Variants in CNBD1 observed in about 807,000 individuals in gnomAD.
CNBD1 encodes cyclic nucleotide binding domain containing 1, also known as cyclic nucleotide-binding domain-containing protein 1.
In CNBD1, 71 loss-of-function variants were observed where a neutral mutation model predicts 54.4. That is an observed-to-expected ratio of 1.30 (90% CI 1.08 to 1.59). CNBD1 has a LOEUF of 1.59. Among genes scored for constraint, CNBD1 ranks in the 40% most tolerant of loss-of-function variants. The probability of loss-of-function intolerance (pLI) is 0.00; values close to 1 mark genes in which losing one functional copy is unlikely to be tolerated. For missense variants in CNBD1, 659 were observed against 518.0 expected (o/e 1.27, Z -2.64); for synonymous variants, 182 against 170.7 (o/e 1.07, Z -0.51).
At chr8:87,233,313 T>G (rs1807499614) in intron 5 of CNBD1, among the ~76,000 whole-genome samples, 1 of 152,088 alleles carries the variant, frequency 6.6e-6, no homozygotes, top group Non-Finnish European at 1.5e-5. Flanking sequence ...CAGGCACTCC[T>G]CAGAGAAATT....
At chr8:87,067,156 A>G (rs1179868340) in intron 4 of CNBD1, among the ~76,000 whole-genome samples, 2 of 151,966 alleles carry the variant, frequency 1.3e-5, no homozygotes, top group Non-Finnish European at 2.9e-5. Context: ...GCTGAGCTCA[A>G]TTGTTTAGAG....
intron 8 of CNBD1, among the ~76,000 whole-genome samples, chr8:87,315,748 T>C (rs1809372870): frequency 6.6e-6 from 1 of 152,048 alleles, no homozygotes; most frequent in Non-Finnish European, 1.5e-5. Flanking sequence ...GGTTAATGGT[T>C]TCAAAATATA....
intron 4 of CNBD1, among the ~76,000 whole-genome samples, chr8:87,118,173 G>C (rs1248966939): frequency 2.0e-5 from 3 of 151,880 alleles, no homozygotes; most frequent in African/African-American, 7.3e-5. Flanking sequence ...AAATTAGCCA[G>C]GCGTGGTGGC....
intron 4 of CNBD1, among the ~76,000 whole-genome samples, chr8:87,082,270 A>G (rs1007708132): frequency 6.6e-6 from 1 of 152,088 alleles, no homozygotes; most frequent in Non-Finnish European, 1.5e-5. Context: ...GCAAGAGATA[A>G]CCACCTTTAA....
intron 6 of CNBD1, among the ~76,000 whole-genome samples, chr8:87,255,977 A>ATATATG (rs1465958516): frequency 2.3e-4 from 2 of 8,568 alleles, no homozygotes; most frequent in African/African-American, 4.9e-4. Flanking sequence ...CTACAAATAT[A>ATATATG]TATATATATA....
chr8:87,325,877 T>C (rs1036401732), intron 8 of CNBD1, among the ~76,000 whole-genome samples: 1 of 142,592 alleles, frequency 7.0e-6, no homozygotes, highest in African/African-American at 2.6e-5. Flanking sequence ...GCTCGTTAGT[T>C]GATGCAGTTT....
At chr8:87,060,848 C>G (rs377313667) in intron 4 of CNBD1, among the ~76,000 whole-genome samples, 1 of 152,156 alleles carries the variant, frequency 6.6e-6, no homozygotes, top group South Asian at 2.1e-4. Context: ...CAGAGCATAA[C>G]TTACAAATGA....
At chr8:86,878,674 T>C (rs1358616043) in intron 1 of CNBD1, among the ~76,000 whole-genome samples, 5 of 152,206 alleles carry the variant, frequency 3.3e-5, no homozygotes, top group Non-Finnish European at 5.9e-5. Context: ...TCTGTCCATG[T>C]CTGAACATCT....
chr8:87,380,804 A>T lies in CNBD1; in HGVS notation c.1304-1816A>T, dbSNP rs895283691. On this transcript the variant is annotated intron_variant, in intron 10 of 10. Coordinates refer to ENST00000518476, the MANE Select transcript of CNBD1 (RefSeq NM_173538.3). ...GTAAATGGGGTTGTTTTACTAATTT[A>T]ATCTCTACAAAAATAGCATTGGAAA... is the stretch of plus-strand genomic sequence containing the variant. Among the ~76,000 whole-genome samples, 6 of 151,984 alleles carry T rather than the reference A, an allele frequency of 3.9e-5. No homozygotes were observed. The East Asian group carries it at 7.7e-4, about 20-fold the overall frequency.
At chr8:87,031,881 C>T (rs962070865) in intron 4 of CNBD1, among the ~76,000 whole-genome samples, 1 of 152,094 alleles carries the variant, frequency 6.6e-6, no homozygotes. Context: ...GCTGGGATTA[C>T]AGGCATGCAC....
chr8:87,001,973 C>G (rs1239838460), intron 4 of CNBD1, among the ~76,000 whole-genome samples: 1 of 152,046 alleles, frequency 6.6e-6, no homozygotes, highest in East Asian at 1.9e-4. Flanking sequence ...TTCTTTCTTT[C>G]ATTTTTTCAT....
intron 4 of CNBD1, among the ~76,000 whole-genome samples, chr8:87,016,842 A>G (rs896427463): frequency 5.9e-5 from 9 of 152,158 alleles, no homozygotes; most frequent in African/African-American, 2.2e-4. Context: ...GGATTGCCCA[A>G]CGCTCCCTAT....
intron 10 of CNBD1, among the ~76,000 whole-genome samples, chr8:87,355,965 T>C (rs1210739999): frequency 6.6e-6 from 1 of 152,038 alleles, no homozygotes; most frequent in Non-Finnish European, 1.5e-5. Context: ...AAGAGCTGGC[T>C]CTTTAAAAGT....
At chr8:87,384,966 C>G (rs943952696), downstream of CNBD1, among the ~76,000 whole-genome samples, 1 of 152,028 alleles carries the variant, frequency 6.6e-6, no homozygotes, top group Admixed American at 6.6e-5. Context: ...TTGGTAAGGA[C>G]TTTAGATTTA....
intron 8 of CNBD1, among the ~76,000 whole-genome samples, chr8:87,336,294 C>T (rs901810767): frequency 1.3e-5 from 2 of 152,132 alleles, no homozygotes; most frequent in African/African-American, 4.8e-5. Flanking sequence ...AGTGTGCTTT[C>T]CAACTTGGTT....
At chr8:87,420,835 G>A (rs1202455492) in intron 2 of CNBD1, among the ~76,000 whole-genome samples, 1 of 150,650 alleles carries the variant, frequency 6.6e-6, no homozygotes, top group Admixed American at 6.6e-5. Context: ...TTAATTCATG[G>A]TCATATATCT....
intron 8 of CNBD1, among the ~76,000 whole-genome samples, chr8:87,332,020 A>G (rs779044147): frequency 4.0e-5 from 6 of 151,856 alleles, no homozygotes; most frequent in Non-Finnish European, 8.8e-5. Context: ...TTGCATGTTC[A>G]CTCTGATGAT....
chr8:87,244,222 T>TCC (rs1807758248), intron 6 of CNBD1, among the ~76,000 whole-genome samples: 1 of 152,022 alleles, frequency 6.6e-6, no homozygotes, highest in Non-Finnish European at 1.5e-5. Context: ...AGGTCACTGG[T>TCC]AGGTGAGGGA....
At chr8:87,121,060 T>C (rs1221063616) in intron 4 of CNBD1, among the ~76,000 whole-genome samples, 1 of 151,908 alleles carries the variant, frequency 6.6e-6, no homozygotes, top group East Asian at 1.9e-4. Flanking sequence ...TATATTAAAT[T>C]CAGTTTGATT....
Sources: gnomAD v4.1 joint callset for allele counts (sites outside exome capture counted in the v4.1 genomes callset) on GRCh38, gnomAD v4.1.1 for gene constraint, MANE v1.5 for transcripts, NCBI Gene and HGNC (gene_info 2026-07-23, HGNC 2026-07-21) for gene names.